The following PLCG2 variants were observed in gnomAD, a reference collection of about 807,000 sequenced individuals.
PLCG2 encodes 1-phosphatidylinositol 4,5-bisphosphate phosphodiesterase gamma-2.
In PLCG2, 69 loss-of-function variants were observed where a neutral mutation model predicts 175.6. That is an observed-to-expected ratio of 0.39 (90% CI 0.32 to 0.48). PLCG2 has a LOEUF of 0.48. PLCG2 is among the 20% of genes least tolerant of loss of function. PLCG2 has a pLI of 0.91. For missense variants in PLCG2, 1,798 were observed against 1,650.9 expected (o/e 1.09, Z -1.54); for synonymous variants, 827 against 624.0 (o/e 1.33, Z -4.85).
intron 31 of PLCG2, among the ~76,000 whole-genome samples, chr16:81,948,938 T>G (rs1181690638): frequency 6.6e-6 from 1 of 152,210 alleles, no homozygotes; most frequent in Non-Finnish European, 1.5e-5. Flanking sequence ...TGATGAGAAC[T>G]GTAACACATA....
intron 31 of PLCG2, among the ~76,000 whole-genome samples, chr16:81,953,126 T>G (rs142823422): frequency 1.3e-5 from 2 of 152,274 alleles, no homozygotes; most frequent in African/African-American, 4.8e-5. Flanking sequence ...AATAACTGAC[T>G]AGTATTCTTC....
rs896178851 is a variant in PLCG2, at chr16:81,936,444, C to T, written c.3052+66C>T. ...CGGTTGCAGTCACTCCAGGCCGAGT[C>T]ACCTTGGGTCAGCGATACCATGTGG... On this transcript the variant is annotated intron_variant, in intron 27 of 32. Coordinates refer to ENST00000564138, the MANE Select transcript of PLCG2 (RefSeq NM_002661.5). 14 of 1,300,836 alleles carry T rather than the reference C, an allele frequency of 1.1e-5. No individual in the cohort carries two copies. The African/African-American group carries it at 2.0e-4, about 19-fold the overall frequency. The allele number at this position is 1,300,836 out of a possible 1,614,324, so 80.6% of individuals were successfully genotyped here. A position where few individuals can be genotyped will look rare whatever the true frequency, so the allele number is the denominator to read the frequency against.
chr16:81,916,838 A>G (rs1328196288), intron 19 of PLCG2, among the ~76,000 whole-genome samples: 1 of 152,080 alleles, frequency 6.6e-6, no homozygotes, highest in Non-Finnish European at 1.5e-5. Flanking sequence ...GGGTTTCACC[A>G]TGTTGGCCAG....
chr16:81,757,960 G>A (rs745984505), intron 2 of PLCG2, among the ~76,000 whole-genome samples: 4 of 152,004 alleles, frequency 2.6e-5, no homozygotes, highest in Non-Finnish European at 4.4e-5. Context: ...ATGTGCTGTC[G>A]TTATTGTTGC....
chr16:81,889,391 G>T (rs576797956), intron 10 of PLCG2, 118 bp downstream of exon 10: 3 of 634,820 alleles, frequency 4.7e-6, no homozygotes, highest in South Asian at 1.9e-5. Flanking sequence ...ATGTTGCCTC[G>T]ACTGACTGGT....
rs1910955135 is a variant in PLCG2 at position 81,786,048 on chromosome 16, G to A, written c.59G>A (p.Arg20Lys). The A allele has an allele frequency of 1.9e-6, 3 of 1,614,216 alleles. No individual in the cohort carries two copies. Among genetic ancestry groups the A allele is most frequent in the Non-Finnish European group, 2.5e-6 (3 of 1,180,044 alleles). ...LAEYEKSQIK[R>K]ALELGTVMTV... Reference sequence around the variant, plus strand: ...GAATATGAGAAGAGCCAGATCAAGAGAGCCCTGGAGCTGGGGACGGTGATG... The same window carrying A: ...GAATATGAGAAGAGCCAGATCAAGAAAGCCCTGGAGCTGGGGACGGTGATG... Residue 20 changes from arginine (R) to lysine (K), a missense_variant, in exon 2 of 33, where the codon AGA (arginine) becomes AAA (lysine). By Grantham distance (26) the Arg-to-Lys change is conservative (BLOSUM62 2). Coordinates refer to ENST00000564138, the MANE Select transcript of PLCG2 (RefSeq NM_002661.5).
chr16:81,856,860 G>C (rs1906710582), intron 3 of PLCG2, among the ~76,000 whole-genome samples: 1 of 152,150 alleles, frequency 6.6e-6, no homozygotes, highest in Non-Finnish European at 1.5e-5. Context: ...AGGGTTCTTA[G>C]ATACCCGGGA....
upstream of PLCG2, among the ~76,000 whole-genome samples, chr16:81,777,960 T>G (rs1910477865): frequency 1.4e-5 from 2 of 142,536 alleles, no homozygotes; most frequent in Non-Finnish European, 1.5e-5. Flanking sequence ...GAGGTTGCAG[T>G]GAGCCGAGAT....
chr16:81,921,175 T>G, intron 20 of PLCG2, 23 bp from the exon 21 acceptor site: 1 of 1,428,814 alleles, frequency 7.0e-7, no homozygotes, highest in East Asian at 2.3e-5. Context: ...TTATTCCATT[T>G]CTTTCTTTCT....
At chr16:81,951,195 G>A (rs896756179) in intron 31 of PLCG2, among the ~76,000 whole-genome samples, 15 of 152,078 alleles carry the variant, frequency 9.9e-5, no homozygotes, top group Non-Finnish European at 1.9e-4. Flanking sequence ...TGCCTAGGCT[G>A]CTCTCAGATC....
chr16:81,896,698 T>C (rs565509336), intron 13 of PLCG2, among the ~76,000 whole-genome samples: 11 of 152,332 alleles, frequency 7.2e-5, no homozygotes, highest in African/African-American at 2.6e-4. Context: ...AACCTGTTTC[T>C]ACAGGCGGAA....
upstream of PLCG2, among the ~76,000 whole-genome samples, chr16:81,778,039 A>AACAAAACAAAACAAAC (rs1555505456): frequency 1.2e-5 from 1 of 80,382 alleles, no homozygotes; most frequent in African/African-American, 4.7e-5. Context: ...AAACAAAAAA[A>AACAAAACAAAACAAAC]AAACAAAAAA....
At chr16:81,853,273 G>C (rs909413896) in intron 2 of PLCG2, among the ~76,000 whole-genome samples, 2 of 151,918 alleles carry the variant, frequency 1.3e-5, no homozygotes, top group Non-Finnish European at 2.9e-5. Flanking sequence ...AGACGTTGCA[G>C]TGAGCTGAGA....
chr16:81,908,185 A>G (rs1039800173), intron 16 of PLCG2, among the ~76,000 whole-genome samples: 1 of 152,164 alleles, frequency 6.6e-6, no homozygotes, highest in Non-Finnish European at 1.5e-5. Context: ...CGTTCACTGC[A>G]TGTCTCAGGA....
At chr16:81,770,132 C>T (rs750950956) in intron 2 of PLCG2, among the ~76,000 whole-genome samples, 3 of 152,064 alleles carry the variant, frequency 2.0e-5, no homozygotes, top group African/African-American at 7.2e-5. Context: ...TTTATTGATG[C>T]ATAACAACGC....
chr16:81,776,986 A>G (rs191572692), upstream of PLCG2, among the ~76,000 whole-genome samples: 6 of 152,378 alleles, frequency 3.9e-5, no homozygotes, highest in Admixed American at 3.9e-4. Context: ...GTTGGTTAGC[A>G]AAAAATGAGC....
Position 81,897,381 on chromosome 16 carries a change from T to G in PLCG2, c.1193+1454T>G, listed in dbSNP as rs114109221. Among the ~76,000 whole-genome samples the G allele has an allele frequency of 2.3e-3, 349 of 152,310 alleles. 1 individual carries two copies. The highest frequency in any genetic ancestry group is 7.9e-3 in the African/African-American group (327 of 41,562). ...AGCACTTACCATCCTATGCTTCAAT[T>G]TCCATGTTAAAAAATAGAGGTGATA... is the stretch of plus-strand genomic sequence containing the variant. On this transcript the variant is annotated intron_variant, in intron 13 of 32. Transcript: ENST00000564138.
At chr16:81,876,052 G>C (rs963950663) in intron 7 of PLCG2, among the ~76,000 whole-genome samples, 3 of 139,768 alleles carry the variant, frequency 2.1e-5, no homozygotes, top group South Asian at 2.3e-4. Flanking sequence ...TTGAGACAGG[G>C]TCTCACTTTG....
intron 5 of PLCG2, among the ~76,000 whole-genome samples, chr16:81,864,385 A>T (rs1907127167): frequency 6.6e-6 from 1 of 152,216 alleles, no homozygotes; most frequent in Non-Finnish European, 1.5e-5. Context: ...AACTAGCTGC[A>T]TTTCAGGGGC....
Sources: gnomAD v4.1 joint callset for allele counts (sites outside exome capture counted in the v4.1 genomes callset) on GRCh38, gnomAD v4.1.1 for gene constraint, MANE v1.5 for transcripts, NCBI Gene and HGNC (gene_info 2026-07-23, HGNC 2026-07-21) for gene names.